TTC27: variants seen among roughly 807,000 people sequenced by gnomAD.
TTC27 encodes tetratricopeptide repeat domain 27.
In TTC27, 79 loss-of-function variants were observed where a neutral mutation model predicts 115.9. The observed-to-expected ratio is 0.68, with a 90% CI of 0.57 to 0.82. The LOEUF (loss-of-function observed/expected upper bound fraction) is 0.82, where lower values mean the gene tolerates loss of function less well. Ranked by LOEUF, TTC27 falls within the 40% of genes least tolerant of loss-of-function variation. The probability of loss-of-function intolerance (pLI) is 0.00; values close to 1 mark genes in which losing one functional copy is unlikely to be tolerated. For synonymous variants in TTC27, 401 were observed against 356.0 expected (o/e 1.13, Z -1.42); for missense variants, 1,054 against 993.1 (o/e 1.06, Z -0.82).
intron 9 of TTC27, among the ~76,000 whole-genome samples, chr2:32,688,745 C>G (rs1361097968): frequency 2.0e-5 from 3 of 152,074 alleles, no homozygotes; most frequent in African/African-American, 7.2e-5. Flanking sequence ...TTACATAACA[C>G]TTTGTGGGGT....
chr2:32,700,532 C>T (rs1191861742), intron 9 of TTC27, among the ~76,000 whole-genome samples: 1 of 151,972 alleles, frequency 6.6e-6, no homozygotes, highest in East Asian at 1.9e-4. Context: ...AAAGTCTTTT[C>T]CTTTGAAAAA....
At position 32,670,066 on chromosome 2, in the gene TTC27, C is replaced by T. The variant is rs530760476; in HGVS notation, c.940-2206C>T. On this transcript the variant is annotated intron_variant, in intron 7 of 19. Transcript: ENST00000317907. ...ATAGTTGTTGTATTTTTAGTAGAGACGAGGCTTCACCATGCTGGCCAGGCT... is the reference window on the plus strand; with the variant it reads ...ATAGTTGTTGTATTTTTAGTAGAGATGAGGCTTCACCATGCTGGCCAGGCT... Among the ~76,000 whole-genome samples the T allele has an allele frequency of 4.3e-3, 652 of 151,738 alleles. 3 individuals are homozygous for T. Among genetic ancestry groups the T allele is most frequent in the Admixed American group, 9.4e-3 (143 of 15,182 alleles).
At chr2:32,707,561 T>C (rs544835905) in intron 10 of TTC27, among the ~76,000 whole-genome samples, 2 of 152,300 alleles carry the variant, frequency 1.3e-5, no homozygotes. Flanking sequence ...ATCTTTTTGT[T>C]ATAGCAGTTT....
rs545223033 is a variant in TTC27, at chr2:32,787,273, G to C, written c.1998+124G>C. 386 of 1,056,992 alleles carry C rather than the reference G, an allele frequency of 3.7e-4. 1 individual carries two copies. Among genetic ancestry groups the C allele is most frequent in the Non-Finnish European group, 4.8e-4 (360 of 753,146 alleles). The allele number at this position is 1,056,992 out of a possible 1,614,324, so 65.5% of individuals were successfully genotyped here. The stretch of plus-strand genomic sequence containing the variant: ...TTAAACACATGTAACATATGAAAAG[G>C]GTATTTTTTTCTAGTCAAATATTCT... On this transcript the variant is annotated intron_variant, in intron 16 of 19. Coordinates refer to ENST00000317907, the MANE Select transcript of TTC27 (RefSeq NM_017735.5).
At chr2:32,699,957 A>T (rs563339785) in intron 9 of TTC27, among the ~76,000 whole-genome samples, 1 of 152,304 alleles carries the variant, frequency 6.6e-6, no homozygotes, top group East Asian at 1.9e-4. Flanking sequence ...TTGCTGTGCA[A>T]GCGTTTGGGA....
chr2:32,661,269 A>G (rs1665537966), intron 5 of TTC27, among the ~76,000 whole-genome samples: 1 of 152,106 alleles, frequency 6.6e-6, no homozygotes, highest in African/African-American at 2.4e-5. Context: ...TTGGTTCCAT[A>G]TGAAGTTTAA....
chr2:32,790,269 A>C (rs1319309892), intron 16 of TTC27, among the ~76,000 whole-genome samples: 3 of 151,776 alleles, frequency 2.0e-5, no homozygotes, highest in Non-Finnish European at 2.9e-5. Flanking sequence ...ATTGCCATTA[A>C]ATTTTTTTTT....
chr2:32,793,884 T>C (rs1029754569), intron 16 of TTC27, among the ~76,000 whole-genome samples: 8 of 152,166 alleles, frequency 5.3e-5, no homozygotes, highest in Non-Finnish European at 1.2e-4. Context: ...GACTAATACA[T>C]TAAAAAAACA....
intron 3 of TTC27, among the ~76,000 whole-genome samples, chr2:32,636,820 G>A (rs1212296655): frequency 6.6e-6 from 1 of 152,226 alleles, no homozygotes; most frequent in African/African-American, 2.4e-5. Context: ...TTAGTTGGAA[G>A]TGGACCTTGA....
At chr2:32,687,686 T>G (rs978402819) in intron 9 of TTC27, among the ~76,000 whole-genome samples, 1 of 152,140 alleles carries the variant, frequency 6.6e-6, no homozygotes. Flanking sequence ...TGGGCTTCAT[T>G]ACAAAGAATA....
At chr2:32,633,840 G>A (rs781278440) in intron 2 of TTC27, 36 bp from the exon 3 acceptor site, 2 of 1,601,640 alleles carry the variant, frequency 1.2e-6, no homozygotes, top group Admixed American at 3.4e-5. Flanking sequence ...AGTGATAGTA[G>A]TTCATATTTA....
At chr2:32,709,817 GA>G (rs1667515152) in intron 10 of TTC27, among the ~76,000 whole-genome samples, 1 of 152,086 alleles carries the variant, frequency 6.6e-6, no homozygotes, top group Non-Finnish European at 1.5e-5. Context: ...GGAAGGTGAA[GA>G]TGTAGTTGAT....
At chr2:32,630,321 A>G (rs567910223) in intron 1 of TTC27, among the ~76,000 whole-genome samples, 1 of 152,302 alleles carries the variant, frequency 6.6e-6, no homozygotes, top group African/African-American at 2.4e-5. Flanking sequence ...AGTCAGTATG[A>G]GTGAGCTGCT....
rs759891322 is a variant in TTC27, at chr2:32,640,333, C to G, written c.460C>G (p.Leu154Val). 1.2e-6 allele frequency: 2 copies of G among 1,614,060 alleles called. No individual in the cohort carries two copies. The highest frequency in any genetic ancestry group is 1.1e-5 in the South Asian group (1 of 91,084). ...TCTAGATGGTGAATCAATCTACAGC[C>G]TGACCTCGAAGCCTATACTACTGTT... ...LTLDGESIYS[L>V]TSKPILLLLA... Residue 154 changes from leucine to valine, a missense_variant, in exon 4 of 20, where the codon CTG becomes GTG. Transcript: ENST00000317907.
chr2:32,635,457 CG>C (rs1315824912), intron 3 of TTC27: 2 of 152,328 alleles, frequency 1.3e-5, no homozygotes, highest in African/African-American at 4.8e-5. Flanking sequence ...AAGGCCAAGG[CG>C]GGCGGTTCAC....
chr2:32,654,849 C>A (rs1253941231), intron 5 of TTC27, among the ~76,000 whole-genome samples: 1 of 151,964 alleles, frequency 6.6e-6, no homozygotes, highest in African/African-American at 2.4e-5. Context: ...GTGCCCACCA[C>A]CATGCCTGGC....
At chr2:32,634,486 G>A (rs1664337104) in intron 3 of TTC27, among the ~76,000 whole-genome samples, 1 of 151,304 alleles carries the variant, frequency 6.6e-6, no homozygotes, top group Admixed American at 6.6e-5. Context: ...ATGGAGTTTT[G>A]CCATGTTGCC....
chr2:32,819,435 A>G (rs1207872996), intron 19 of TTC27, among the ~76,000 whole-genome samples: 1 of 152,222 alleles, frequency 6.6e-6, no homozygotes, highest in Non-Finnish European at 1.5e-5. Context: ...TGCCTTTTCT[A>G]TTTAATGAAT....
chr2:32,770,980 G>T (rs1311545584), intron 13 of TTC27, among the ~76,000 whole-genome samples: 1 of 152,144 alleles, frequency 6.6e-6, no homozygotes, highest in Non-Finnish European at 1.5e-5. Context: ...TTGGTAAGCA[G>T]TACAGAATGA....
Sources: allele counts gnomAD v4.1 joint callset (sites outside exome capture counted in the v4.1 genomes callset), GRCh38; gene constraint gnomAD v4.1.1; transcripts MANE v1.5; gene names NCBI Gene and HGNC (gene_info 2026-07-23, HGNC 2026-07-21).